Variants in FBXO10 observed in about 807,000 individuals in gnomAD.
The protein encoded by FBXO10 is F-box only protein 10.
In FBXO10, 39 loss-of-function variants were observed where a neutral mutation model predicts 80.7. That is an observed-to-expected ratio of 0.48 (90% confidence interval 0.37 to 0.63). FBXO10 has a LOEUF of 0.63. Among genes scored for constraint, FBXO10 ranks in the 30% least tolerant of loss-of-function variants. The pLI is 0.00. For synonymous variants in FBXO10, 449 were observed against 489.6 expected (o/e 0.92, Z 1.09); for missense variants, 1,025 against 1,269.0 (o/e 0.81, Z 2.92).
At chr9:37,520,126 C>T (rs778145034) in intron 8 of FBXO10, among the ~76,000 whole-genome samples, 36 of 151,248 alleles carry the variant, frequency 2.4e-4, no homozygotes, top group Non-Finnish European at 3.7e-4. Context: ...TGAGCCACTG[C>T]GCCTGGCCCA....
rs118142893 is a variant in FBXO10, at chr9:37,517,324, A to G, written c.2514+801T>C. 1.1e-3 allele frequency among the ~76,000 whole-genome samples: 168 copies of G among 152,188 alleles called. 3 individuals are homozygous for G. In the East Asian group the frequency reaches 0.027, roughly 24 times the overall value. The stretch of plus-strand genomic sequence containing the variant: ...ATTCACCACTAAAGAACTTATCCAT[A>G]TAACCAAAAACCACCTGTACCCCAA... On this transcript the variant is annotated intron_variant, in intron 9 of 10. Transcript: ENST00000432825.
At chr9:37,563,435 G>A (rs187146560) in intron 1 of FBXO10, among the ~76,000 whole-genome samples, 2 of 152,280 alleles carry the variant, frequency 1.3e-5, no homozygotes, top group East Asian at 1.9e-4. Context: ...CTCGGAAGAA[G>A]ACAGAAAAAT....
At chr9:37,516,391 A>T (rs1268037546) in intron 9 of FBXO10, among the ~76,000 whole-genome samples, 1 of 152,198 alleles carries the variant, frequency 6.6e-6, no homozygotes, top group African/African-American at 2.4e-5. Flanking sequence ...AGTCAGGGCC[A>T]CTGGCAACCC....
At chr9:37,514,788 C>T (rs569615326) in intron 10 of FBXO10, among the ~76,000 whole-genome samples, 4 of 152,032 alleles carry the variant, frequency 2.6e-5, no homozygotes, top group Non-Finnish European at 5.9e-5. Flanking sequence ...GAGCCAAGAT[C>T]GCACCACTGC....
chr9:37,527,238 T>C lies in FBXO10; in HGVS notation c.1706+1886A>G, dbSNP rs188020768. On this transcript the variant is annotated intron_variant, in intron 5 of 10. Transcript: ENST00000432825. ...ACCTGTATCATCCAAAATAACCTCC[T>C]TTCATCTTTCTCCAAAGTCCTTCAC... is the stretch of plus-strand genomic sequence containing the variant. Among the ~76,000 whole-genome samples, 578 of 152,298 alleles carry C rather than the reference T, an allele frequency of 3.8e-3. 5 individuals carry two copies. Among genetic ancestry groups the C allele is most frequent in the African/African-American group, 0.013 (543 of 41,546 alleles).
intron 1 of FBXO10, among the ~76,000 whole-genome samples, chr9:37,562,687 T>C (rs1307886279): frequency 6.6e-6 from 1 of 152,178 alleles, no homozygotes; most frequent in East Asian, 1.9e-4. Context: ...TATATTAGCA[T>C]AGCTGAGACT....
At chr9:37,514,900 G>A (rs1206075653) in intron 10 of FBXO10, 1 of 151,976 alleles carries the variant, frequency 6.6e-6, no homozygotes, top group Non-Finnish European at 1.5e-5. Context: ...ATTTTTTCCC[G>A]AGAGTGTGTG....
chr9:37,571,019 A>C (rs543440584), intron 1 of FBXO10, among the ~76,000 whole-genome samples: 26 of 152,094 alleles, frequency 1.7e-4, no homozygotes, highest in African/African-American at 6.0e-4. Flanking sequence ...ATTATAAACA[A>C]CTTTATATAA....
chr9:37,515,782 A>G, intron 10 of FBXO10, 122 bp downstream of exon 10: 1 of 1,010,300 alleles, frequency 9.9e-7, no homozygotes, highest in African/African-American at 1.6e-5. Context: ...TTCTGACTGG[A>G]GTCGACAGCT....
chr9:37,565,219 G>A (rs748347055), intron 1 of FBXO10, among the ~76,000 whole-genome samples: 4 of 152,108 alleles, frequency 2.6e-5, no homozygotes, highest in Non-Finnish European at 4.4e-5. Context: ...CCAGCCATGT[G>A]GAACTGTGAG....
At chr9:37,515,861 C>A in intron 10 of FBXO10, 43 bp downstream of exon 10, 1 of 1,586,252 alleles carries the variant, frequency 6.3e-7, no homozygotes, top group Non-Finnish European at 8.6e-7. Flanking sequence ...AGGGAGCTTA[C>A]TGTGGCTCTA....
intron 5 of FBXO10, 116 bp downstream of exon 5, chr9:37,529,008 G>A (rs1821546425): frequency 7.3e-7 from 1 of 1,376,674 alleles, no homozygotes; most frequent in African/African-American, 1.4e-5. Flanking sequence ...GGGATGATGA[G>A]TGAAGTCTCT....
At chr9:37,516,843 C>T (rs940467050) in intron 9 of FBXO10, among the ~76,000 whole-genome samples, 1 of 152,074 alleles carries the variant, frequency 6.6e-6, no homozygotes, top group East Asian at 1.9e-4. Flanking sequence ...TGCCTGTAAT[C>T]CCAGCTACTT....
In FBXO10 at chr9:37,537,627, T is replaced by C; in HGVS notation, c.902A>G (p.Asp301Gly). 6 of 1,613,998 alleles carry C rather than the reference T, an allele frequency of 3.7e-6. No homozygotes were observed. In the South Asian group the frequency reaches 6.6e-5, roughly 18 times the overall value. Residue 301 changes from aspartate (D) to glycine (G), a missense_variant, in exon 3 of 11, where the codon GAC becomes GGC. Physicochemically the swap from Asp to Gly is moderately conservative, Grantham distance 94. Around this residue, in one of 3 missense-constraint regions of FBXO10, gnomAD observed 450 missense variants for 499.4 expected, o/e 0.90. Coordinates refer to ENST00000432825, the MANE Select transcript of FBXO10 (RefSeq NM_012166.3). Reference protein sequence around the residue: ...FLMSLDLESRDQAWSPKTCDI... With the variant: ...FLMSLDLESRGQAWSPKTCDI... ...ACAGGTCTTTGGGCTCCAGGCCTGGTCCCGGCTCTCTAGGTCCAGGGACAT... is the reference window on the plus strand; with the variant it reads ...ACAGGTCTTTGGGCTCCAGGCCTGGCCCCGGCTCTCTAGGTCCAGGGACAT...
chr9:37,549,784 C>T (rs1402555295), intron 1 of FBXO10, among the ~76,000 whole-genome samples: 1 of 152,184 alleles, frequency 6.6e-6, no homozygotes, highest in East Asian at 1.9e-4. Flanking sequence ...GGCACTGGAT[C>T]CAGAGGCTTG....
chr9:37,560,306 G>C (rs756641735), intron 1 of FBXO10, among the ~76,000 whole-genome samples: 1 of 152,184 alleles, frequency 6.6e-6, no homozygotes, highest in Admixed American at 6.5e-5. Flanking sequence ...GCCACCTGAC[G>C]TAGAAACTAC....
At chr9:37,525,261 G>A (rs1161121027) in intron 5 of FBXO10, 89 bp from the exon 6 acceptor site, 7 of 1,276,216 alleles carry the variant, frequency 5.5e-6, no homozygotes, top group Non-Finnish European at 6.6e-6. Context: ...TGGAAACCCT[G>A]TCTCTACAAA....
chr9:37,518,212 G>A lies in FBXO10; in HGVS notation c.2427C>T (p.Thr809=), dbSNP rs1413152150. The change falls in exon 9 of 11, where the codon ACC becomes ACT. Residue 809 remains threonine, a synonymous_variant. Coordinates refer to ENST00000432825, the MANE Select transcript of FBXO10 (RefSeq NM_012166.3). The part of the protein sequence containing the change: ...IYDNRGHGII[T]KGDSTIVIEN... ...CAATGACGATGGTGCTGTCGCCCTTGGTGATAATGCCGTGGCCTCTGTTGT... is the reference window on the plus strand; with the variant it reads ...CAATGACGATGGTGCTGTCGCCCTTAGTGATAATGCCGTGGCCTCTGTTGT... 3 of 1,614,056 alleles carry A rather than the reference G, an allele frequency of 1.9e-6. No individual in the cohort carries two copies. The highest frequency in any genetic ancestry group is 2.2e-5 in the South Asian group (2 of 91,084).
At chr9:37,573,725 C>T (rs776124047) in intron 1 of FBXO10, among the ~76,000 whole-genome samples, 25 of 152,134 alleles carry the variant, frequency 1.6e-4, no homozygotes, top group Non-Finnish European at 3.2e-4. Flanking sequence ...TAAGGAAAGA[C>T]AAGAGTGAAT....
Sources: allele counts gnomAD v4.1 joint callset (sites outside exome capture counted in the v4.1 genomes callset), GRCh38; gene constraint gnomAD v4.1.1; regional missense constraint gnomAD v4.1.1; transcripts MANE v1.5; gene names NCBI Gene and HGNC (gene_info 2026-07-23, HGNC 2026-07-21).